RPF2: variants seen among roughly 807,000 people sequenced by gnomAD.
The protein encoded by RPF2 is brix domain containing 1.
In RPF2, 21 loss-of-function variants were observed where a neutral mutation model predicts 38.9. That is an observed-to-expected ratio of 0.54 (90% CI 0.38 to 0.78). The LOEUF (loss-of-function observed/expected upper bound fraction) is 0.78. Ranked by LOEUF, RPF2 falls within the 30% of genes least tolerant of loss-of-function variation. RPF2 has a pLI of 0.00. For missense variants in RPF2, 314 were observed against 358.1 expected (o/e 0.88, Z 0.99); for synonymous variants, 121 against 126.2 (o/e 0.96, Z 0.28).
chr6:111,014,663 A>C (rs1456861866), intron 7 of RPF2, among the ~76,000 whole-genome samples: 2 of 152,216 alleles, frequency 1.3e-5, no homozygotes, highest in Non-Finnish European at 2.9e-5. Flanking sequence ...CTTTTATCTT[A>C]GCCAAATGTT....
intron 3 of RPF2, among the ~76,000 whole-genome samples, chr6:110,990,037 C>A (rs1771592452): frequency 2.0e-5 from 3 of 151,986 alleles, no homozygotes; most frequent in African/African-American, 7.2e-5. Context: ...CTCCTGGGTT[C>A]AAGCAATTCT....
At chr6:111,010,549 T>C (rs1771994455) in intron 7 of RPF2, among the ~76,000 whole-genome samples, 1 of 152,244 alleles carries the variant, frequency 6.6e-6, no homozygotes, top group Admixed American at 6.5e-5. Context: ...TTTATGGTCC[T>C]ATTTCACCTT....
At chr6:110,982,541 A>G in intron 1 of RPF2, 1 of 200,070 alleles carries the variant, frequency 5.0e-6, no homozygotes, top group Non-Finnish European at 1.0e-5. Flanking sequence ...TATTCTGTAA[A>G]ATAGCGCTCA....
At chr6:110,990,559 ACCC>A (rs34703789) in intron 3 of RPF2, among the ~76,000 whole-genome samples, 12,760 of 77,506 alleles carry the variant, frequency 0.16, 852 homozygotes, top group South Asian at 0.33. Flanking sequence ...GCAATTGGGA[ACCC>A]CCCCCCCCCC....
chr6:110,985,467 A>G (rs1366488317), intron 2 of RPF2, among the ~76,000 whole-genome samples: 3 of 151,708 alleles, frequency 2.0e-5, no homozygotes, highest in Admixed American at 1.3e-4. Flanking sequence ...TTGTAAAGAG[A>G]AGTAACTGCA....
At chr6:111,024,704 CAAA>C (rs397737242) in intron 9 of RPF2, among the ~76,000 whole-genome samples, 7 of 89,208 alleles carry the variant, frequency 7.8e-5, no homozygotes, top group Admixed American at 1.3e-4. Context: ...CAGAGTGAGC[CAAA>C]AAAAAAAAAA....
At position 110,985,036 on chromosome 6, in the gene RPF2, C is replaced by G. The variant is rs1280955700; in HGVS notation, c.54C>G (p.Phe18Leu). The G allele has an allele frequency of 6.2e-7, 1 of 1,612,216 alleles. No homozygotes were observed. Among genetic ancestry groups the G allele is most frequent in the Non-Finnish European group, 8.5e-7 (1 of 1,179,700 alleles). Reference protein sequence around the residue: ...VKPKTKRAKRFLEKREPKLNE... With the variant: ...VKPKTKRAKRLLEKREPKLNE... ...CCAAAACGAAAAGAGCCAAGAGATT[C>G]CTTGAGAAGAGAGAACCGAAACTCA... Residue 18 changes from phenylalanine to leucine, a missense_variant, in exon 2 of 10, where the codon TTC (phenylalanine) becomes TTG (leucine). Physicochemically the swap from Phe to Leu is conservative, Grantham distance 22. Coordinates refer to ENST00000441448, the MANE Select transcript of RPF2 (RefSeq NM_032194.3).
chr6:110,987,646 G>C (rs1332135131), intron 2 of RPF2, among the ~76,000 whole-genome samples: 1 of 152,162 alleles, frequency 6.6e-6, no homozygotes, highest in African/African-American at 2.4e-5. Flanking sequence ...CACGGAAACA[G>C]GGAAATAGTT....
intron 3 of RPF2, among the ~76,000 whole-genome samples, chr6:110,990,314 C>A (rs1270352362): frequency 6.6e-6 from 1 of 152,144 alleles, no homozygotes; most frequent in Non-Finnish European, 1.5e-5. Flanking sequence ...TTAGTCTTCT[C>A]CAATTTGTGA....
intron 6 of RPF2, among the ~76,000 whole-genome samples, chr6:111,002,608 C>T (rs969105412): frequency 6.6e-6 from 1 of 152,134 alleles, no homozygotes; most frequent in African/African-American, 2.4e-5. Context: ...ACTGGAATTA[C>T]AGGCATGAAC....
chr6:110,982,127 A>G lies in RPF2; in HGVS notation c.21A>G (p.Val7=). The change falls in exon 1 of 10, where the codon GTA becomes GTG. Residue 7 remains valine (V), a splice_region_variant and synonymous_variant. Coordinates refer to ENST00000441448, the MANE Select transcript of RPF2 (RefSeq NM_032194.3). MDTLDR[V]VKPKTKRAKR... Reference sequence around the variant, plus strand: ...TAGCGATGGACACTCTGGATCGAGTAGTGTAAGTGCGCTGGGTCTCAGCCC... The same window carrying G: ...TAGCGATGGACACTCTGGATCGAGTGGTGTAAGTGCGCTGGGTCTCAGCCC... The G allele has an allele frequency of 1.2e-6, 2 of 1,614,166 alleles. No homozygotes were observed. The highest frequency in any genetic ancestry group is 1.7e-5 in the Admixed American group (1 of 60,024).
intron 5 of RPF2, among the ~76,000 whole-genome samples, chr6:110,998,993 G>A (rs1771767813): frequency 6.6e-6 from 1 of 151,816 alleles, no homozygotes; most frequent in African/African-American, 2.4e-5. Context: ...AAAGAATGGG[G>A]CATATAAATA....
intron 6 of RPF2, among the ~76,000 whole-genome samples, chr6:111,005,104 C>T (rs141662139): frequency 6.6e-6 from 1 of 152,190 alleles, no homozygotes; most frequent in African/African-American, 2.4e-5. Flanking sequence ...CTGGAACGTC[C>T]TTTCAGCTTC....
At chr6:111,016,941 C>T (rs1583273981) in intron 8 of RPF2, among the ~76,000 whole-genome samples, 1 of 151,996 alleles carries the variant, frequency 6.6e-6, no homozygotes, top group African/African-American at 2.4e-5. Flanking sequence ...TTGCACCGCC[C>T]TTAATCCATT....
intron 8 of RPF2, among the ~76,000 whole-genome samples, chr6:111,019,661 C>T (rs770979279): frequency 6.6e-6 from 1 of 151,902 alleles, no homozygotes; most frequent in Admixed American, 6.6e-5. Flanking sequence ...TGCTTGAACC[C>T]GGGAGACAGA....
rs537641746 is a variant in RPF2, at chr6:111,025,757, A to T, written c.*175A>T. On this transcript the variant is annotated 3_prime_UTR_variant, in exon 10 of 10. Coordinates refer to ENST00000441448, the MANE Select transcript of RPF2 (RefSeq NM_032194.3). ...GTATTAAGTGTAAAGTAAGCCTTTT[A>T]TTTGAGACATTACACCCTGGTGTGC... is the stretch of plus-strand genomic sequence containing the variant. 42 of 454,480 alleles carry T rather than the reference A, an allele frequency of 9.2e-5. No homozygotes were observed. Among genetic ancestry groups the T allele is most frequent in the Middle Eastern group, 1.2e-3 (2 of 1,648 alleles). 28.2% of individuals were successfully genotyped at this position (454,480 alleles called of 1,614,324 possible).
chr6:111,022,496 T>C (rs1772251328), intron 8 of RPF2, among the ~76,000 whole-genome samples: 1 of 152,214 alleles, frequency 6.6e-6, no homozygotes. Flanking sequence ...GATCAGATCA[T>C]CTACACAGAA....
rs1376421284 is a variant in RPF2 at position 110,999,762 on chromosome 6, A to G, written c.368A>G (p.Asn123Ser). 1.3e-6 allele frequency: 2 copies of G among 1,593,952 alleles called. No individual in the cohort carries two copies. Among genetic ancestry groups the G allele is most frequent in the Non-Finnish European group, 8.6e-7 (1 of 1,161,932 alleles). ...VLDMIELGIE[N>S]FVSLKDIKNS... ...GATATGATTGAATTAGGTATTGAGAATTTTGTCTCTCTAAAAGACATTAAG... is the reference window on the plus strand; with the variant it reads ...GATATGATTGAATTAGGTATTGAGAGTTTTGTCTCTCTAAAAGACATTAAG... Residue 123 changes from asparagine to serine, a missense_variant, in exon 6 of 10, where the codon AAT becomes AGT. Asn to Ser is a conservative substitution (Grantham distance 46, BLOSUM62 1). Transcript: ENST00000441448.
chr6:110,989,868 G>A (rs773683891), intron 3 of RPF2, among the ~76,000 whole-genome samples: 5 of 151,400 alleles, frequency 3.3e-5, no homozygotes, highest in South Asian at 2.1e-4. Context: ...GGTGATCTGC[G>A]CGCCTTGGCC....
Sources: gnomAD v4.1 joint callset for allele counts (sites outside exome capture counted in the v4.1 genomes callset) on GRCh38, gnomAD v4.1.1 for gene constraint, MANE v1.5 for transcripts, NCBI Gene and HGNC (gene_info 2026-07-23, HGNC 2026-07-21) for gene names.